Variants in AGBL3 observed in about 807,000 individuals in gnomAD.
The protein encoded by AGBL3 is cytosolic carboxypeptidase 3.
In AGBL3, 68 loss-of-function variants were observed where a neutral mutation model predicts 94.5. That is an observed-to-expected ratio of 0.72 (90% CI 0.59 to 0.88). The LOEUF (loss-of-function observed/expected upper bound fraction) is 0.88, where lower values mean the gene tolerates loss of function less well. Among genes scored for constraint, AGBL3 ranks in the 40% least tolerant of loss-of-function variants. AGBL3 has a pLI of 0.00. For missense variants in AGBL3, 934 were observed against 1,103.8 expected, an observed-to-expected ratio of 0.85 and a Z score of 2.18; for synonymous variants, 354 against 370.7, an observed-to-expected ratio of 0.95 and a Z score of 0.52.
At chr7:135,128,799 C>A in intron 16 of AGBL3, 1 of 1,198,226 alleles carries the variant, frequency 8.3e-7, no homozygotes, top group Non-Finnish European at 1.2e-6. Flanking sequence ...CTGATACAGA[C>A]CAAGAGGAAA....
chr7:135,018,555 C>T (rs188581653), intron 5 of AGBL3, among the ~76,000 whole-genome samples: 116 of 152,206 alleles, frequency 7.6e-4, no homozygotes, highest in Non-Finnish European at 1.4e-3. Flanking sequence ...TGAAGATCTG[C>T]CTTTCCATGA....
chr7:135,016,087 T>C (rs908403687), intron 4 of AGBL3, among the ~76,000 whole-genome samples: 9 of 150,980 alleles, frequency 6.0e-5, no homozygotes, highest in South Asian at 2.1e-4. Context: ...CCAAGGCAAA[T>C]AGCTGAAATT....
In AGBL3 at chr7:135,080,089, G is replaced by T; in HGVS notation, c.1981-114G>T. 1.9e-5 allele frequency: 16 copies of T among 825,992 alleles called. No homozygotes were observed. The South Asian group carries it at 2.8e-4, about 14-fold the overall frequency. 51.2% of individuals were successfully genotyped at this position (825,992 alleles called of 1,614,324 possible). On this transcript the variant is annotated intron_variant, in intron 13 of 16. Transcript: ENST00000436302. ...ATTTTGGTCATTCTAAACCTGTAAGGATGAAATGAGAAATATTTGTTAAAA... is the reference window on the plus strand; with the variant it reads ...ATTTTGGTCATTCTAAACCTGTAAGTATGAAATGAGAAATATTTGTTAAAA...
intron 5 of AGBL3, among the ~76,000 whole-genome samples, chr7:135,032,325 G>A (rs1290801726): frequency 1.3e-5 from 2 of 151,784 alleles, no homozygotes; most frequent in South Asian, 2.1e-4. Context: ...CTTTTTTTGA[G>A]ACAGAGTCTC....
chr7:135,064,592 G>C (rs923574958), intron 12 of AGBL3, among the ~76,000 whole-genome samples: 19 of 152,146 alleles, frequency 1.2e-4, no homozygotes, highest in African/African-American at 4.6e-4. Context: ...TTAGATTTTA[G>C]ATATATTTTC....
At chr7:135,093,527 A>G (rs1822181086) in intron 15 of AGBL3, 1 of 152,216 alleles carries the variant, frequency 6.6e-6, no homozygotes, top group Admixed American at 6.5e-5. Context: ...AAAAAGAACA[A>G]AATACTTAGG....
At chr7:135,120,116 A>C (rs1204983088) in intron 16 of AGBL3, among the ~76,000 whole-genome samples, 1 of 152,254 alleles carries the variant, frequency 6.6e-6, no homozygotes, top group Non-Finnish European at 1.5e-5. Flanking sequence ...CTCTAAAAGA[A>C]TGACTAAAGG....
At chr7:135,038,125 T>G (rs932411662) in intron 8 of AGBL3, among the ~76,000 whole-genome samples, 3 of 152,170 alleles carry the variant, frequency 2.0e-5, no homozygotes, top group Non-Finnish European at 2.9e-5. Flanking sequence ...GAAAATTATA[T>G]TTTAATCATT....
At chr7:134,988,044 T>C in intron 2 of AGBL3, 48 bp downstream of exon 2, 4 of 1,272,010 alleles carry the variant, frequency 3.1e-6, no homozygotes, top group Non-Finnish European at 4.4e-6. Context: ...ATTTGTATTA[T>C]ATAAATCCCC....
chr7:135,127,877 T>C (rs2117303512), intron 16 of AGBL3, among the ~76,000 whole-genome samples: 1 of 152,270 alleles, frequency 6.6e-6, no homozygotes, highest in South Asian at 2.1e-4. Context: ...CATGCACACA[T>C]ATGTTTATTG....
chr7:135,034,300 C>A lies in AGBL3; in HGVS notation c.709C>A (p.Arg237=). The change falls in exon 7 of 17, where the codon CGG becomes AGG. Residue 237 remains arginine, a synonymous_variant. Coordinates refer to ENST00000436302, the MANE Select transcript of AGBL3 (RefSeq NM_178563.4). The stretch of plus-strand genomic sequence containing the variant: ...CACCAAACCTGCTAGTCTTTACAGT[C>A]GGGGTATGCGCCCACTGTTCTATTC... ...NFTKPASLYS[R]GMRPLFYSEK... 4 of 1,551,644 alleles carry A rather than the reference C, an allele frequency of 2.6e-6. No homozygotes were observed. Among genetic ancestry groups the A allele is most frequent in the South Asian group, 1.2e-5 (1 of 84,016 alleles).
At chr7:134,986,880 G>A (rs1265180950) in intron 1 of AGBL3, among the ~76,000 whole-genome samples, 179 bp downstream of exon 1, 2 of 152,252 alleles carry the variant, frequency 1.3e-5, no homozygotes, top group East Asian at 1.9e-4. Context: ...GCGGCTAAGC[G>A]TGGACGCGCC....
chr7:135,119,856 G>T (rs1014862933), intron 16 of AGBL3, among the ~76,000 whole-genome samples: 4 of 152,092 alleles, frequency 2.6e-5, no homozygotes, highest in African/African-American at 9.7e-5. Flanking sequence ...CAGCCTGGGT[G>T]ACAGAGCGAG....
At chr7:135,069,474 A>T (rs1819676258) in intron 12 of AGBL3, among the ~76,000 whole-genome samples, 1 of 152,222 alleles carries the variant, frequency 6.6e-6, no homozygotes, top group Admixed American at 6.5e-5. Context: ...CATAGTTGGA[A>T]GTAAAGCACT....
At chr7:135,021,792 C>T (rs1376317514) in intron 5 of AGBL3, among the ~76,000 whole-genome samples, 1 of 151,570 alleles carries the variant, frequency 6.6e-6, no homozygotes, top group African/African-American at 2.4e-5. Flanking sequence ...TGTACATTAG[C>T]TGTTTGTCCT....
intron 5 of AGBL3, among the ~76,000 whole-genome samples, chr7:135,031,655 G>A (rs1180852704): frequency 6.6e-6 from 1 of 152,122 alleles, no homozygotes; most frequent in South Asian, 2.1e-4. Context: ...CTTTGATTTT[G>A]TATAGAGGCA....
chr7:135,023,638 G>A (rs73153720), intron 5 of AGBL3, among the ~76,000 whole-genome samples: 10,378 of 152,142 alleles, frequency 0.068, 432 homozygotes, highest in East Asian at 0.19. Context: ...CTAATATAAG[G>A]CCCCCTATGT....
chr7:135,095,041 C>A (rs1222817846), intron 15 of AGBL3, among the ~76,000 whole-genome samples: 3 of 152,130 alleles, frequency 2.0e-5, no homozygotes, highest in Non-Finnish European at 4.4e-5. Context: ...GAGTAAGTAG[C>A]CCAAGATAGA....
chr7:135,043,110 A>G (rs1217480328), intron 8 of AGBL3, among the ~76,000 whole-genome samples: 1 of 152,190 alleles, frequency 6.6e-6, no homozygotes, highest in Non-Finnish European at 1.5e-5. Flanking sequence ...TCCTAACATG[A>G]AGATTGAATC....
Sources: allele counts gnomAD v4.1 joint callset (sites outside exome capture counted in the v4.1 genomes callset), GRCh38; gene constraint gnomAD v4.1.1; transcripts MANE v1.5; gene names NCBI Gene and HGNC (gene_info 2026-07-23, HGNC 2026-07-21).